ABCA13: variants seen among roughly 807,000 people sequenced by gnomAD.
The protein encoded by ABCA13 is ATP-binding cassette sub-family A member 13.
In ABCA13, 476 loss-of-function variants were observed where a neutral mutation model predicts 478.7. That is an observed-to-expected ratio of 0.99 (90% CI 0.92 to 1.07). ABCA13 has a LOEUF of 1.07. Among genes scored for constraint, ABCA13 ranks in the 50% least tolerant of loss-of-function variants. The probability of loss-of-function intolerance (pLI) is 0.00; values close to 1 mark genes in which losing one functional copy is unlikely to be tolerated. For synonymous variants in ABCA13, 2,252 were observed against 2,158.9 expected (o/e 1.04, Z -1.20); for missense variants, 6,060 against 5,910.6 (o/e 1.03, Z -0.83).
At chr7:48,615,736 G>T (rs1043481281) in intron 59 of ABCA13, among the ~76,000 whole-genome samples, 1 of 152,130 alleles carries the variant, frequency 6.6e-6, no homozygotes, top group African/African-American at 2.4e-5. Flanking sequence ...AAAAGGCTGT[G>T]CTGATATGTC....
intron 32 of ABCA13, 81 bp downstream of exon 32, chr7:48,367,989 C>A: frequency 1.9e-6 from 2 of 1,064,474 alleles, no homozygotes; most frequent in Non-Finnish European, 2.7e-6. Flanking sequence ...CCATAACCAA[C>A]CTGAGCCTCT....
At chr7:48,432,657 C>T (rs993429038) in intron 42 of ABCA13, among the ~76,000 whole-genome samples, 2 of 152,164 alleles carry the variant, frequency 1.3e-5, no homozygotes, top group Non-Finnish European at 2.9e-5. Context: ...GAAGCAAATT[C>T]TGTCATTTGT....
At chr7:48,445,891 C>G (rs1824235694) in intron 42 of ABCA13, among the ~76,000 whole-genome samples, 1 of 152,096 alleles carries the variant, frequency 6.6e-6, no homozygotes, top group Admixed American at 6.5e-5. Flanking sequence ...ACCTGCATAT[C>G]AAGGCAAGTG....
intron 38 of ABCA13, among the ~76,000 whole-genome samples, chr7:48,400,126 C>A (rs1215620608): frequency 6.6e-6 from 1 of 152,016 alleles, no homozygotes; most frequent in East Asian, 1.9e-4. Context: ...ATTTCATATG[C>A]CACTGTCTCT....
chr7:48,271,955 C>T lies in ABCA13; in HGVS notation c.2289C>T (p.Leu763=). 6.2e-7 allele frequency: 1 copy of T among 1,613,632 alleles called. No individual in the cohort carries two copies. Among genetic ancestry groups the T allele is most frequent in the African/African-American group, 1.3e-5 (1 of 75,012 alleles). The change falls in exon 17 of 62, where the codon CTC becomes CTT. Residue 763 remains leucine (L), a synonymous_variant. Coordinates refer to ENST00000435803, the MANE Select transcript of ABCA13 (RefSeq NM_152701.5). ...IVPSFHSLPS[L]TEDILNISSL... The stretch of plus-strand genomic sequence containing the variant: ...CCAGTTTCCACAGCCTCCCATCTCT[C>T]ACAGAGGATATTCTGAATATAAGTT...
intron 51 of ABCA13, among the ~76,000 whole-genome samples, chr7:48,515,790 T>A (rs1024044372): frequency 6.6e-6 from 1 of 152,144 alleles, no homozygotes; most frequent in Non-Finnish European, 1.5e-5. Flanking sequence ...TAGGCCTTAT[T>A]TTTTTTACGT....
chr7:48,583,700 C>T (rs925762693), intron 56 of ABCA13, among the ~76,000 whole-genome samples: 1 of 152,198 alleles, frequency 6.6e-6, no homozygotes, highest in Non-Finnish European at 1.5e-5. Context: ...TACCAAACCT[C>T]AGAGAGAGAT....
At chr7:48,346,539 A>G (rs1014597864) in intron 29 of ABCA13, among the ~76,000 whole-genome samples, 1 of 151,568 alleles carries the variant, frequency 6.6e-6, no homozygotes, top group African/African-American at 2.4e-5. Flanking sequence ...AATGCACAAT[A>G]TACTTTTTGG....
chr7:48,253,803 A>T (rs968259016), intron 15 of ABCA13, among the ~76,000 whole-genome samples: 2 of 152,164 alleles, frequency 1.3e-5, no homozygotes, highest in Admixed American at 1.3e-4. Context: ...ATATTTATCC[A>T]TCTTGAGGAC....
rs371803196 is a variant in ABCA13 at position 48,643,399 on chromosome 7, G to T, written c.14943+6G>T. ...TTCCAGGAATTCAGTTCAAGGTAGT[G>T]CTAATATCTTGTATTATTTCTTTGT... On this transcript the variant is annotated splice_donor_region_variant and intron_variant, in intron 60 of 61. Coordinates refer to ENST00000435803, the MANE Select transcript of ABCA13 (RefSeq NM_152701.5). The T allele has an allele frequency of 1.3e-6, 2 of 1,586,296 alleles. No individual in the cohort carries two copies. The highest frequency in any genetic ancestry group is 2.7e-5 in the African/African-American group (2 of 74,222).
chr7:48,631,684 G>GT (rs199800379), intron 59 of ABCA13, among the ~76,000 whole-genome samples: 13 of 150,838 alleles, frequency 8.6e-5, no homozygotes, highest in African/African-American at 2.2e-4. Flanking sequence ...TTTTAGAATA[G>GT]TTTTTTTTTA....
chr7:48,426,527 T>A (rs1038194239), intron 41 of ABCA13, among the ~76,000 whole-genome samples: 1 of 152,114 alleles, frequency 6.6e-6, no homozygotes, highest in Non-Finnish European at 1.5e-5. Context: ...TGGGCTGAGA[T>A]CTGTATATGC....
At chr7:48,486,731 A>T (rs1829341514) in intron 47 of ABCA13, among the ~76,000 whole-genome samples, 1 of 152,172 alleles carries the variant, frequency 6.6e-6, no homozygotes, top group African/African-American at 2.4e-5. Flanking sequence ...GGTTTTGCTA[A>T]TGCAGACTGG....
chr7:48,433,895 T>C (rs1285735224), intron 42 of ABCA13, among the ~76,000 whole-genome samples: 2 of 152,124 alleles, frequency 1.3e-5, no homozygotes, highest in Non-Finnish European at 1.5e-5. Context: ...TATGTATGTA[T>C]CACATTTTGT....
At chr7:48,400,875 G>T (rs1465750099) in intron 38 of ABCA13, among the ~76,000 whole-genome samples, 1 of 152,320 alleles carries the variant, frequency 6.6e-6, no homozygotes, top group South Asian at 2.1e-4. Context: ...TGATTAAAAT[G>T]CCATGAGTGC....
In ABCA13 at chr7:48,489,253, G is replaced by C. The variant is rs570281612; in HGVS notation, c.13200G>C (p.Lys4400Asn). 175 of 1,611,376 alleles carry C rather than the reference G, an allele frequency of 1.1e-4. 2 individuals carry two copies. The South Asian group carries it at 1.8e-3, about 16-fold the overall frequency. ...PTLAKVWYNQ[K>N]GFHSLPSYLN... Reference sequence around the variant, plus strand: ...TTTTTTAGGTGTGGTATAATCAGAAGGGTTTTCATTCCCTACCTTCCTACT... The same window carrying C: ...TTTTTTAGGTGTGGTATAATCAGAACGGTTTTCATTCCCTACCTTCCTACT... The change falls in exon 48 of 62, where the codon AAG becomes AAC. Residue 4400 changes from lysine (K) to asparagine (N), a missense_variant. Lys to Asn is a moderately conservative substitution (Grantham distance 94). Around this residue, in one of 3 missense-constraint regions of ABCA13, gnomAD observed 1,627 missense variants for 1,571.0 expected, o/e 1.04. Coordinates refer to ENST00000435803, the MANE Select transcript of ABCA13 (RefSeq NM_152701.5).
intron 5 of ABCA13, among the ~76,000 whole-genome samples, chr7:48,221,685 A>G (rs1054454634): frequency 4.6e-5 from 7 of 152,250 alleles, no homozygotes; most frequent in Non-Finnish European, 1.0e-4. Context: ...GGAACTAGTT[A>G]TCAACAGGGG....
chr7:48,527,290 G>A (rs1324723339), intron 54 of ABCA13, among the ~76,000 whole-genome samples: 1 of 152,116 alleles, frequency 6.6e-6, no homozygotes, highest in Non-Finnish European at 1.5e-5. Context: ...GAAGCAGATG[G>A]CAACTCATGG....
chr7:48,324,807 G>A (rs1056267108), intron 27 of ABCA13, among the ~76,000 whole-genome samples: 5 of 152,182 alleles, frequency 3.3e-5, no homozygotes, highest in African/African-American at 1.2e-4. Flanking sequence ...ACGTTCCAGA[G>A]CAGGGTCCAA....
Sources: allele counts gnomAD v4.1 joint callset (sites outside exome capture counted in the v4.1 genomes callset), GRCh38; gene constraint gnomAD v4.1.1; regional missense constraint gnomAD v4.1.1; transcripts MANE v1.5; gene names NCBI Gene and HGNC (gene_info 2026-07-23, HGNC 2026-07-21).